The following WNT7A variants were observed in gnomAD, a reference collection of about 807,000 sequenced individuals.
WNT7A encodes the protein Wnt family member 7A.
WNT7A carries 16 observed loss-of-function variants against 28.2 expected under a neutral mutation model. That is an observed-to-expected ratio of 0.57 (90% CI 0.38 to 0.86). WNT7A has a LOEUF of 0.86. Ranked by LOEUF, WNT7A falls within the 40% of genes least tolerant of loss-of-function variation. The pLI, the probability that WNT7A is intolerant of heterozygous loss-of-function variation, is 0.00. For synonymous variants in WNT7A, 190 were observed against 195.9 expected (o/e 0.97, Z 0.25); for missense variants, 411 against 489.7 (o/e 0.84, Z 1.52).
chr3:13,828,608 G>A (rs1388958820), intron 3 of WNT7A, among the ~76,000 whole-genome samples: 4 of 152,134 alleles, frequency 2.6e-5, no homozygotes, highest in African/African-American at 9.7e-5. Context: ...GCGCAGGTCT[G>A]GGGAGCCAAG....
intron 2 of WNT7A, among the ~76,000 whole-genome samples, chr3:13,857,498 G>A (rs537341247): frequency 4.5e-4 from 68 of 152,294 alleles, no homozygotes; most frequent in African/African-American, 1.6e-3. Context: ...GGGCAGGTGG[G>A]GTTGGAGGAA....
At chr3:13,825,014 G>T (rs1694172044) in intron 3 of WNT7A, among the ~76,000 whole-genome samples, 1 of 152,194 alleles carries the variant, frequency 6.6e-6, no homozygotes, top group South Asian at 2.1e-4. Context: ...GGTTAAGAGA[G>T]CAAAGCAAGG....
intron 3 of WNT7A, among the ~76,000 whole-genome samples, chr3:13,853,740 T>C (rs1297462674): frequency 6.6e-6 from 1 of 152,228 alleles, no homozygotes; most frequent in African/African-American, 2.4e-5. Flanking sequence ...ACGGGATCCA[T>C]CCTGACCCTG....
At chr3:13,833,756 A>G (rs1210991613) in intron 3 of WNT7A, among the ~76,000 whole-genome samples, 2 of 152,236 alleles carry the variant, frequency 1.3e-5, no homozygotes, top group South Asian at 2.1e-4. Context: ...AGGGAGGCTG[A>G]CAGCGGGGAC....
At chr3:13,850,349 G>C (rs1352536311) in intron 3 of WNT7A, among the ~76,000 whole-genome samples, 1 of 152,336 alleles carries the variant, frequency 6.6e-6, no homozygotes, top group African/African-American at 2.4e-5. Context: ...CTCCGCCCCA[G>C]CTGCCAGGGG....
In WNT7A at chr3:13,819,127, G is replaced by A; in HGVS notation, c.867C>T (p.Thr289=). 6.2e-7 allele frequency: 1 copy of A among 1,614,134 alleles called. No individual in the cohort carries two copies. Among genetic ancestry groups the A allele is most frequent in the Admixed American group, 1.7e-5 (1 of 60,036 alleles). ...EEDPVTGSVG[T]QGRACNKTAP... ...CCGTCTTGTTGCAGGCGCGGCCCTG[G>A]GTGCCCACACTGCCGGTCACCGGGT... Residue 289 remains threonine (T), a synonymous_variant, in exon 4 of 4, where the codon ACC becomes ACT. Coordinates refer to ENST00000285018, the MANE Select transcript of WNT7A (RefSeq NM_004625.4).
intron 2 of WNT7A, among the ~76,000 whole-genome samples, chr3:13,870,952 G>C (rs563777445): frequency 6.6e-6 from 1 of 152,202 alleles, no homozygotes; most frequent in Admixed American, 6.5e-5. Flanking sequence ...CCTGGTACCT[G>C]CCCATTGCTG....
intron 3 of WNT7A, among the ~76,000 whole-genome samples, chr3:13,839,016 A>G (rs1275619096): frequency 6.6e-6 from 1 of 152,222 alleles, no homozygotes. Flanking sequence ...TGTAATCAAT[A>G]TCAGATAGAT....
At chr3:13,848,590 T>C (rs1043587359) in intron 3 of WNT7A, among the ~76,000 whole-genome samples, 1 of 152,224 alleles carries the variant, frequency 6.6e-6, no homozygotes, top group African/African-American at 2.4e-5. Context: ...CACCAAATGC[T>C]GGTGAGGATG....
In WNT7A at chr3:13,818,971, C is replaced by A; in HGVS notation, c.1023G>T (p.Glu341Asp). The A allele has an allele frequency of 6.3e-7, 1 of 1,592,798 alleles. No homozygotes were observed. Among genetic ancestry groups the A allele is most frequent in the Non-Finnish European group, 8.6e-7 (1 of 1,165,286 alleles). The stretch of plus-strand genomic sequence containing the variant: ...ACTTGCACGTGTACATCTCCGTGCG[C>A]TCGCTGCACGTGTTGCACTTGACAT... ...CCYVKCNTCS[E>D]RTEMYTCK The change falls in exon 4 of 4, where the codon GAG becomes GAT. Residue 341 changes from glutamate to aspartate, a missense_variant. Glu to Asp is a conservative substitution (Grantham distance 45). Coordinates refer to ENST00000285018, the MANE Select transcript of WNT7A (RefSeq NM_004625.4).
At chr3:13,853,366 C>T (rs753173375) in intron 3 of WNT7A, among the ~76,000 whole-genome samples, 3 of 152,210 alleles carry the variant, frequency 2.0e-5, no homozygotes, top group Admixed American at 6.5e-5. Context: ...ATGGCAGCCA[C>T]AGGCAGATCT....
At chr3:13,844,965 C>G (rs941657623) in intron 3 of WNT7A, among the ~76,000 whole-genome samples, 1 of 152,180 alleles carries the variant, frequency 6.6e-6, no homozygotes, top group African/African-American at 2.4e-5. Context: ...ATCCCCCTCC[C>G]GAGGACAAAG....
intron 3 of WNT7A, among the ~76,000 whole-genome samples, chr3:13,844,504 T>A (rs2124848396): frequency 6.6e-6 from 1 of 152,286 alleles, no homozygotes. Flanking sequence ...CCTGGGATGC[T>A]GCTCACGTTC....
At chr3:13,853,212 GGCC>G (rs1694667350) in intron 3 of WNT7A, among the ~76,000 whole-genome samples, 1 of 152,146 alleles carries the variant, frequency 6.6e-6, no homozygotes, top group Non-Finnish European at 1.5e-5. Flanking sequence ...AGACAGCCCA[GGCC>G]TCTGTCCTCG....
rs1575056906 is a variant in WNT7A, at chr3:13,818,368, A to AAAAAAAAAAAAAAAAAAAAAAT, written c.*575_*576insATTTTTTTTTTTTTTTTTTTTT. ...GCAAACAGCAAAAAAAAAAAAAAAA[A>AAAAAAAAAAAAAAAAAAAAAAT]TGTGTGTGTGTATATCTATATATGC... On this transcript the variant is annotated 3_prime_UTR_variant, in exon 4 of 4. Coordinates refer to ENST00000285018, the MANE Select transcript of WNT7A (RefSeq NM_004625.4). 6.7e-6 allele frequency: 1 copy of AAAAAAAAAAAAAAAAAAAAAAT among 150,044 alleles called. No homozygotes were observed. The highest frequency in any genetic ancestry group is 2.5e-5 in the African/African-American group (1 of 40,606). 9.3% of individuals were successfully genotyped at this position (150,044 alleles called of 1,614,324 possible).
At chr3:13,845,958 G>A (rs1479655355) in intron 3 of WNT7A, among the ~76,000 whole-genome samples, 1 of 152,230 alleles carries the variant, frequency 6.6e-6, no homozygotes, top group Admixed American at 6.5e-5. Flanking sequence ...CCCTGCACCA[G>A]GTGTGGGTCT....
intron 3 of WNT7A, among the ~76,000 whole-genome samples, chr3:13,846,428 A>T (rs954994814): frequency 6.6e-6 from 1 of 152,324 alleles, no homozygotes; most frequent in Non-Finnish European, 1.5e-5. Flanking sequence ...ATCCCAGCAC[A>T]GCACCTGCCA....
At chr3:13,835,273 G>A (rs1483439337) in intron 3 of WNT7A, among the ~76,000 whole-genome samples, 1 of 152,252 alleles carries the variant, frequency 6.6e-6, no homozygotes. Context: ...GCAGAGGACA[G>A]ACTAGAGACC....
chr3:13,866,694 G>A (rs1393612015), intron 2 of WNT7A, among the ~76,000 whole-genome samples: 1 of 152,078 alleles, frequency 6.6e-6, no homozygotes, highest in Non-Finnish European at 1.5e-5. Flanking sequence ...GAGGTGGGAG[G>A]GACTTTGGCA....
Sources: allele counts gnomAD v4.1 joint callset (sites outside exome capture counted in the v4.1 genomes callset), GRCh38; gene constraint gnomAD v4.1.1; transcripts MANE v1.5; gene names NCBI Gene and HGNC (gene_info 2026-07-23, HGNC 2026-07-21).